The following PHF2 variants were observed in gnomAD, a reference collection of about 807,000 sequenced individuals.
The protein encoded by PHF2 is lysine-specific demethylase PHF2.
Under a neutral mutation model 120.5 loss-of-function variants are expected in PHF2, and 27 were observed. That is an observed-to-expected ratio of 0.22 (90% CI 0.17 to 0.31). The LOEUF (loss-of-function observed/expected upper bound fraction) is 0.31. Among genes scored for constraint, PHF2 ranks in the 10% least tolerant of loss-of-function variants. PHF2 has a pLI of 1.00. For missense variants in PHF2, 1,024 were observed against 1,434.8 expected (o/e 0.71, Z 4.63); for synonymous variants, 568 against 592.5 (o/e 0.96, Z 0.60).
chr9:93,597,009 C>T (rs966247607), intron 1 of PHF2, among the ~76,000 whole-genome samples: 1 of 149,260 alleles, frequency 6.7e-6, no homozygotes, highest in Non-Finnish European at 1.5e-5. Context: ...CGGCTCACTG[C>T]CAGCTCTGCC....
intron 3 of PHF2, among the ~76,000 whole-genome samples, chr9:93,644,411 G>A (rs1826219283): frequency 6.7e-6 from 1 of 148,762 alleles, no homozygotes; most frequent in Non-Finnish European, 1.5e-5. Context: ...AAAAATTCCA[G>A]CAGCTCCCAG....
Position 93,653,252 on chromosome 9 carries a change from G to A in PHF2, c.676G>A (p.Ala226Thr). 6.2e-7 allele frequency: 1 copy of A among 1,614,122 alleles called. No homozygotes were observed. The highest frequency in any genetic ancestry group is 8.5e-7 in the Non-Finnish European group (1 of 1,179,986). ...SWVENYWPDD[A>T]LLAKPKVTKY... ...GGTAGAAAACTACTGGCCAGATGATGCATTGCTGGCCAAGCCCAAAGTGAC... is the reference window on the plus strand; with the variant it reads ...GGTAGAAAACTACTGGCCAGATGATACATTGCTGGCCAAGCCCAAAGTGAC... The change falls in exon 6 of 22, where the codon GCA (alanine) becomes ACA (threonine). Residue 226 changes from alanine (A) to threonine (T), a missense_variant. Physicochemically the swap from Ala to Thr is moderately conservative, Grantham distance 58. Coordinates refer to ENST00000359246, the MANE Select transcript of PHF2 (RefSeq NM_005392.4).
intron 3 of PHF2, among the ~76,000 whole-genome samples, chr9:93,638,754 T>G (rs143201400): frequency 6.6e-6 from 1 of 152,364 alleles, no homozygotes; most frequent in East Asian, 1.9e-4. Flanking sequence ...AGTCTCACTC[T>G]GTCACCCAGG....
intron 3 of PHF2, among the ~76,000 whole-genome samples, chr9:93,644,723 G>A (rs757680380): frequency 2.7e-4 from 41 of 151,900 alleles, no homozygotes; most frequent in Non-Finnish European, 5.9e-4. Context: ...GGCCTCTCAA[G>A]GAGCAGGAGG....
intron 9 of PHF2, among the ~76,000 whole-genome samples, chr9:93,657,337 G>T (rs1224553082): frequency 6.6e-6 from 1 of 152,148 alleles, no homozygotes; most frequent in Non-Finnish European, 1.5e-5. Flanking sequence ...CCTTAGTCAC[G>T]GCTGGCCAGG....
intron 4 of PHF2, among the ~76,000 whole-genome samples, chr9:93,646,276 C>T (rs1442280656): frequency 2.6e-5 from 4 of 152,224 alleles, no homozygotes; most frequent in Admixed American, 2.0e-4. Context: ...TTCATGTCCC[C>T]TTGCAGCTCC....
chr9:93,640,793 G>T (rs757123825), intron 3 of PHF2, among the ~76,000 whole-genome samples: 6 of 152,186 alleles, frequency 3.9e-5, no homozygotes, highest in Non-Finnish European at 7.3e-5. Context: ...TGGACACGAT[G>T]TATTGTGTAA....
chr9:93,635,720 G>C (rs1238328014), intron 2 of PHF2, among the ~76,000 whole-genome samples: 2 of 152,190 alleles, frequency 1.3e-5, no homozygotes, highest in Admixed American at 6.5e-5. Flanking sequence ...TGTTGCATGG[G>C]CGCATAGTCC....
At chr9:93,635,554 AT>A (rs1480280548) in intron 2 of PHF2, among the ~76,000 whole-genome samples, 1 of 152,214 alleles carries the variant, frequency 6.6e-6, no homozygotes, top group African/African-American at 2.4e-5. Context: ...GCCTGGTTGA[AT>A]ACAAGGCTGG....
intron 10 of PHF2, 29 bp downstream of exon 10, chr9:93,658,265 G>T (rs1245913253): frequency 6.4e-7 from 1 of 1,559,962 alleles, no homozygotes; most frequent in South Asian, 1.1e-5. Context: ...ATGCCCTAGG[G>T]CAGGAGAGCA....
intron 1 of PHF2, among the ~76,000 whole-genome samples, chr9:93,611,975 A>G (rs796750730): frequency 6.6e-6 from 1 of 152,216 alleles, no homozygotes; most frequent in South Asian, 2.1e-4. Flanking sequence ...CACTGCAATC[A>G]AGGGCCTGTG....
At chr9:93,617,120 T>TGAGCCAG (rs1825742206) in intron 1 of PHF2, among the ~76,000 whole-genome samples, 4 of 152,198 alleles carry the variant, frequency 2.6e-5, no homozygotes. Flanking sequence ...GGAGGGTGTC[T>TGAGCCAG]GAGCCAGGGG....
chr9:93,600,215 T>C (rs1825414716), intron 1 of PHF2, among the ~76,000 whole-genome samples: 1 of 151,734 alleles, frequency 6.6e-6, no homozygotes, highest in African/African-American at 2.4e-5. Context: ...TGGTATGTGG[T>C]GTGGTGGTGC....
intron 13 of PHF2, 103 bp from the exon 14 acceptor site, chr9:93,663,414 T>C: frequency 2.6e-6 from 2 of 764,228 alleles, no homozygotes; most frequent in Non-Finnish European, 4.4e-6. Flanking sequence ...TGACTTTCCT[T>C]AGTCGTGTTC....
At chr9:93,578,952 GA>G (rs1862885708) in intron 1 of PHF2, among the ~76,000 whole-genome samples, 1 of 152,200 alleles carries the variant, frequency 6.6e-6, no homozygotes, top group African/African-American at 2.4e-5. Context: ...CCTCGGCCAT[GA>G]AAGTCATTTT....
chr9:93,669,629 G>A (rs538789207), intron 17 of PHF2, among the ~76,000 whole-genome samples: 48 of 152,348 alleles, frequency 3.2e-4, no homozygotes, highest in African/African-American at 9.6e-4. Context: ...CAGTGAGGGC[G>A]CCTGCCCCGG....
chr9:93,649,024 T>A (rs1463840315), intron 4 of PHF2, 47 bp from the exon 5 acceptor site: 11 of 1,547,760 alleles, frequency 7.1e-6, no homozygotes, highest in East Asian at 4.9e-5. Context: ...TCAGGGAGGC[T>A]GTGCCGCCTT....
chr9:93,661,761 A>T (rs957973402), intron 12 of PHF2, among the ~76,000 whole-genome samples: 6 of 148,994 alleles, frequency 4.0e-5, no homozygotes, highest in African/African-American at 7.5e-5. Context: ...ATGAGTGCAT[A>T]AGATGGATGG....
intron 1 of PHF2, among the ~76,000 whole-genome samples, chr9:93,595,802 G>A (rs540387871): frequency 6.6e-6 from 1 of 152,294 alleles, no homozygotes; most frequent in African/African-American, 2.4e-5. Context: ...TCCTGAGGTG[G>A]ATTTCATGAA....
Sources: allele counts gnomAD v4.1 joint callset (sites outside exome capture counted in the v4.1 genomes callset), GRCh38; gene constraint gnomAD v4.1.1; transcripts MANE v1.5; gene names NCBI Gene and HGNC (gene_info 2026-07-23, HGNC 2026-07-21).